DLGAP2: variants seen among roughly 807,000 people sequenced by gnomAD.
DLGAP2 encodes the protein disks large-associated protein 2.
In DLGAP2, 26 loss-of-function variants were observed where a neutral mutation model predicts 100.3. The observed-to-expected ratio is 0.26, with a 90% CI of 0.19 to 0.36. The LOEUF is 0.36. DLGAP2 is among the 10% of genes least tolerant of loss of function. DLGAP2 has a pLI of 1.00. For missense variants in DLGAP2, 1,858 were observed against 1,453.2 expected, an observed-to-expected ratio of 1.28 and a Z score of -4.53; for synonymous variants, 886 against 630.1, an observed-to-expected ratio of 1.41 and a Z score of -6.08.
intron 3 of DLGAP2, among the ~76,000 whole-genome samples, chr8:1,356,854 C>G (rs1157275163): frequency 6.6e-6 from 1 of 152,180 alleles, no homozygotes; most frequent in Non-Finnish European, 1.5e-5. Flanking sequence ...AGGATAACAG[C>G]CAAGCCCGCA....
At chr8:1,254,735 G>T (rs1386316964) in intron 2 of DLGAP2, among the ~76,000 whole-genome samples, 22 of 152,156 alleles carry the variant, frequency 1.4e-4, no homozygotes, top group Admixed American at 1.4e-3. Context: ...ATCCCTTTTG[G>T]GTTTCGGGGG....
At chr8:1,593,150 C>T (rs566970546) in intron 6 of DLGAP2, among the ~76,000 whole-genome samples, 10 of 152,230 alleles carry the variant, frequency 6.6e-5, no homozygotes, top group Middle Eastern at 3.4e-3. Context: ...GGACAAATTC[C>T]CTTTACAAAA....
intron 1 of DLGAP2, among the ~76,000 whole-genome samples, chr8:841,335 C>A (rs1399243767): frequency 6.6e-6 from 1 of 152,218 alleles, no homozygotes; most frequent in Non-Finnish European, 1.5e-5. Flanking sequence ...ACTTGTCCAT[C>A]TTTGGCCAGT....
At chr8:982,738 C>T (rs966551367) in intron 2 of DLGAP2, among the ~76,000 whole-genome samples, 2 of 152,172 alleles carry the variant, frequency 1.3e-5, no homozygotes, top group Admixed American at 6.5e-5. Context: ...TAAGTCTCTG[C>T]ACTGTGCTCG....
chr8:846,268 A>C (rs915653433), intron 1 of DLGAP2, among the ~76,000 whole-genome samples: 1 of 152,094 alleles, frequency 6.6e-6, no homozygotes, highest in Non-Finnish European at 1.5e-5. Context: ...TGTGCTATTG[A>C]CCTTCCTTTT....
chr8:1,176,630 G>C (rs898070790), intron 2 of DLGAP2, among the ~76,000 whole-genome samples: 1 of 152,080 alleles, frequency 6.6e-6, no homozygotes, highest in Admixed American at 6.6e-5. Context: ...TGGGGTTGAC[G>C]GGGAAGAAGT....
intron 2 of DLGAP2, among the ~76,000 whole-genome samples, chr8:1,243,997 G>A (rs1187981094): frequency 1.3e-5 from 2 of 152,110 alleles, no homozygotes; most frequent in Non-Finnish European, 2.9e-5. Flanking sequence ...GTGAGTGCCA[G>A]CTCCCAGCCT....
intron 2 of DLGAP2, among the ~76,000 whole-genome samples, chr8:927,549 C>T (rs1002150842): frequency 2.0e-5 from 3 of 152,146 alleles, no homozygotes; most frequent in East Asian, 1.9e-4. Flanking sequence ...GGGCACTTAA[C>T]GCCTCCGAGC....
chr8:1,222,931 C>T (rs1798344822), intron 2 of DLGAP2, among the ~76,000 whole-genome samples: 2 of 152,174 alleles, frequency 1.3e-5, no homozygotes, highest in Non-Finnish European at 1.5e-5. Flanking sequence ...GCTAACAAAG[C>T]CTAAAGCCAC....
intron 4 of DLGAP2, among the ~76,000 whole-genome samples, chr8:1,524,653 C>T (rs1314621838): frequency 1.3e-5 from 2 of 152,056 alleles, no homozygotes; most frequent in Non-Finnish European, 2.9e-5. Flanking sequence ...AAAATAGATC[C>T]TGGAGCTCTT....
intron 2 of DLGAP2, among the ~76,000 whole-genome samples, chr8:926,037 G>T (rs1234701779): frequency 6.6e-6 from 1 of 152,188 alleles, no homozygotes; most frequent in Non-Finnish European, 1.5e-5. Context: ...GGGGCACAGA[G>T]CAGGTCTTAG....
intron 2 of DLGAP2, among the ~76,000 whole-genome samples, chr8:1,043,938 C>T (rs1162693696): frequency 2.1e-5 from 3 of 146,280 alleles, no homozygotes; most frequent in East Asian, 3.9e-4. Flanking sequence ...AGCTGGGGTG[C>T]AGTTGCTTGT....
chr8:1,324,477 T>G (rs576933829), intron 3 of DLGAP2, among the ~76,000 whole-genome samples: 8 of 152,202 alleles, frequency 5.3e-5, no homozygotes, highest in Non-Finnish European at 1.0e-4. Flanking sequence ...AAGCGACATG[T>G]TTCCACAGGC....
chr8:1,518,569 G>T (rs1257932411), intron 4 of DLGAP2, among the ~76,000 whole-genome samples: 1 of 152,094 alleles, frequency 6.6e-6, no homozygotes, highest in African/African-American at 2.4e-5. Flanking sequence ...ATCCAACCTT[G>T]ATCAGCTAAT....
At chr8:1,194,316 G>C (rs776226299) in intron 2 of DLGAP2, among the ~76,000 whole-genome samples, 5 of 152,074 alleles carry the variant, frequency 3.3e-5, no homozygotes, top group African/African-American at 1.2e-4. Context: ...GCAGTGCCGC[G>C]TCCCGGCTGG....
chr8:1,119,587 C>T (rs944366544), intron 2 of DLGAP2, among the ~76,000 whole-genome samples: 1 of 152,354 alleles, frequency 6.6e-6, no homozygotes, highest in African/African-American at 2.4e-5. Flanking sequence ...CTTCTGGGTG[C>T]CGTGCCTGGA....
intron 3 of DLGAP2, among the ~76,000 whole-genome samples, chr8:1,343,925 A>G (rs116023381): frequency 2.2e-4 from 34 of 152,284 alleles, no homozygotes; most frequent in African/African-American, 7.5e-4. Context: ...GGTGAGGTAT[A>G]TCAGGGCTTT....
At chr8:1,561,147 C>T (rs1802144336) in intron 5 of DLGAP2, among the ~76,000 whole-genome samples, 1 of 152,152 alleles carries the variant, frequency 6.6e-6, no homozygotes, top group African/African-American at 2.4e-5. Flanking sequence ...ACTCTCTTGC[C>T]TGCCACCATG....
At chr8:1,352,675 C>G (rs1235825914) in intron 3 of DLGAP2, among the ~76,000 whole-genome samples, 1 of 152,166 alleles carries the variant, frequency 6.6e-6, no homozygotes, top group Non-Finnish European at 1.5e-5. Context: ...CGTGGCTGGC[C>G]TTGTCCACGT....
Sources: allele counts gnomAD v4.1 joint callset (sites outside exome capture counted in the v4.1 genomes callset), GRCh38; gene constraint gnomAD v4.1.1; transcripts MANE v1.5; gene names NCBI Gene and HGNC (gene_info 2026-07-23, HGNC 2026-07-21).